PRKN: variants seen among roughly 807,000 people sequenced by gnomAD.
The protein encoded by PRKN is E3 ubiquitin-protein ligase parkin.
Under a neutral mutation model 59.5 loss-of-function variants are expected in PRKN, and 56 were observed. That is an observed-to-expected ratio of 0.94 (90% CI 0.76 to 1.18). The LOEUF is 1.18. Ranked by LOEUF, PRKN falls within the 50% of genes most tolerant of loss-of-function variation. PRKN has a pLI of 0.00. For synonymous variants in PRKN, 250 were observed against 222.1 expected (o/e 1.13, Z -1.12); for missense variants, 657 against 596.4 (o/e 1.10, Z -1.06).
At position 162,469,349 on chromosome 6, in the gene PRKN, CAGGG is replaced by C. The variant is rs1343790724; in HGVS notation, c.8-25880_8-25877del. On this transcript the variant is annotated intron_variant, in intron 1 of 11. Coordinates refer to ENST00000366898, the MANE Select transcript of PRKN (RefSeq NM_004562.3). ...GAATGTTAAGAAAGTGGGGGGGTTG[CAGGG>C]GGGGGTGGGTGACAGAGGAAGTCAT... 3.4e-3 allele frequency among the ~76,000 whole-genome samples: 198 copies of C among 57,792 alleles called. 7 individuals carry two copies. Among genetic ancestry groups the C allele is most frequent in the Non-Finnish European group, 1.7e-3 (50 of 30,130 alleles). 37.9% of individuals were successfully genotyped at this position (57,792 alleles called of 152,430 possible).
chr6:162,727,162 A>C (rs1202483607), intron 1 of PRKN: 3 of 154,476 alleles, frequency 1.9e-5, no homozygotes, highest in Admixed American at 6.5e-5. Context: ...CTGTGGAGCC[A>C]GCCACCCTCA....
rs976891968 is a variant in PRKN at position 161,385,077 on chromosome 6, A to T, written c.1167+1717T>A. ...CCTGAATAGCTGGGATTACAGGTGC[A>T]CGCCACCACACCCAGCTAATTTTTG... On this transcript the variant is annotated intron_variant, in intron 10 of 11. Transcript: ENST00000366898. The surrounding 1 kb of genome is among the most constrained non-coding windows in gnomAD (Gnocchi z 4.9). 6.6e-6 allele frequency among the ~76,000 whole-genome samples: 1 copy of T among 151,992 alleles called. No individual in the cohort carries two copies. The highest frequency in any genetic ancestry group is 1.5e-5 in the Non-Finnish European group (1 of 67,988).
intron 3 of PRKN, among the ~76,000 whole-genome samples, chr6:162,243,997 T>C (rs1779098025): frequency 6.6e-6 from 1 of 152,212 alleles, no homozygotes; most frequent in African/African-American, 2.4e-5. Context: ...GGACCAATTA[T>C]TGTAAACCAT....
chr6:162,317,099 T>TA (rs2128120117), intron 2 of PRKN, among the ~76,000 whole-genome samples: 1 of 152,220 alleles, frequency 6.6e-6, no homozygotes, highest in East Asian at 2.0e-4. Flanking sequence ...ATTCAAACAT[T>TA]AAAGCATATC....
rs557286221 is a variant in PRKN at position 162,361,263 on chromosome 6, G to A, written c.171+82047C>T. On this transcript the variant is annotated intron_variant, in intron 2 of 11. Transcript: ENST00000366898. ...GAGAGAAAGGGTTATGGACCAAAGT[G>A]TGTTTCTCAAAAAATTCATATGTTG... Among the ~76,000 whole-genome samples the A allele has an allele frequency of 2.0e-5, 3 of 152,256 alleles. No homozygotes were observed. The South Asian group carries it at 6.2e-4, about 32-fold the overall frequency.
intron 10 of PRKN, among the ~76,000 whole-genome samples, chr6:161,374,732 ATG>A (rs1785615233): frequency 6.8e-6 from 1 of 146,480 alleles, no homozygotes; most frequent in African/African-American, 2.6e-5. Flanking sequence ...TGTGTGACAT[ATG>A]TGTGGTGTGT....
rs894517169 is a variant in PRKN, at chr6:161,582,458, G to A, written c.872-13042C>T. The stretch of plus-strand genomic sequence containing the variant: ...ATTATTATTTTTGAGACAGAGTCTC[G>A]CTCTGTCGCCTAGGCTGGAGTGCAG... On this transcript the variant is annotated intron_variant, in intron 7 of 11. Transcript: ENST00000366898. This position sits in a 1 kb window ranked among gnomAD's most constrained non-coding sequence, Gnocchi z 4.4. Among the ~76,000 whole-genome samples the A allele has an allele frequency of 2.0e-5, 3 of 150,712 alleles. No homozygotes were observed. The highest frequency in any genetic ancestry group is 2.1e-4 in the South Asian group (1 of 4,780).
chr6:161,801,253 TACAGTG>T (rs1374877970), intron 6 of PRKN, among the ~76,000 whole-genome samples: 1 of 152,184 alleles, frequency 6.6e-6, no homozygotes, highest in Non-Finnish European at 1.5e-5. Flanking sequence ...GCTGACACAG[TACAGTG>T]ACTGGAGGAG....
intron 5 of PRKN, among the ~76,000 whole-genome samples, chr6:162,051,840 A>G (rs1382944564): frequency 3.9e-5 from 6 of 152,200 alleles, no homozygotes; most frequent in Non-Finnish European, 7.3e-5. Context: ...TAATCTGGAC[A>G]AGGGGACCCA....
chr6:162,321,139 G>A (rs936494200), intron 2 of PRKN, among the ~76,000 whole-genome samples: 1 of 151,726 alleles, frequency 6.6e-6, no homozygotes, highest in Admixed American at 6.6e-5. Flanking sequence ...AGGCTGATCA[G>A]GAAATAAAGA....
At chr6:161,636,623 G>A (rs1364462852) in intron 7 of PRKN, among the ~76,000 whole-genome samples, 4 of 152,198 alleles carry the variant, frequency 2.6e-5, no homozygotes, top group Non-Finnish European at 5.9e-5. Context: ...GGATGGAAAT[G>A]CCAAAGAGCA....
At chr6:161,922,543 A>G (rs1778824299) in intron 6 of PRKN, among the ~76,000 whole-genome samples, 1 of 152,214 alleles carries the variant, frequency 6.6e-6, no homozygotes, top group African/African-American at 2.4e-5. Context: ...AAATTTGCTT[A>G]ATTACCTAGG....
intron 7 of PRKN, among the ~76,000 whole-genome samples, chr6:161,646,418 C>G (rs1298159715): frequency 9.2e-6 from 1 of 108,488 alleles, no homozygotes; most frequent in African/African-American, 3.6e-5. Flanking sequence ...GTATCAGTGA[C>G]AGTGGTCACT....
chr6:161,864,236 G>T (rs1481547741), intron 6 of PRKN, among the ~76,000 whole-genome samples: 2 of 152,180 alleles, frequency 1.3e-5, no homozygotes, highest in Admixed American at 1.3e-4. Context: ...AAACCCTGCT[G>T]CTGCCTCATC....
intron 2 of PRKN, among the ~76,000 whole-genome samples, chr6:162,411,220 AT>A (rs1788340336): frequency 6.6e-6 from 1 of 152,220 alleles, no homozygotes; most frequent in South Asian, 2.1e-4. Context: ...TTAAAAATGG[AT>A]TTCAAGACAA....
At chr6:162,077,711 T>C (rs895179845) in intron 4 of PRKN, among the ~76,000 whole-genome samples, 2 of 151,980 alleles carry the variant, frequency 1.3e-5, no homozygotes, top group Non-Finnish European at 2.9e-5. Context: ...GTTTATTTTT[T>C]ATTCATGGCT....
rs1339418647 is a variant in PRKN at position 161,449,493 on chromosome 6, T to C, written c.1084-62616A>G. 4.6e-5 allele frequency among the ~76,000 whole-genome samples: 7 copies of C among 152,316 alleles called. No individual in the cohort carries two copies. In the East Asian group the frequency reaches 1.4e-3, roughly 29 times the overall value. ...TCTGAACGTACTCAGGGCCGTAATA[T>C]GTGAAATGTCTCCCAGTGTTTGACA... On this transcript the variant is annotated intron_variant, in intron 9 of 11. Transcript: ENST00000366898.
chr6:161,686,218 C>T (rs1350857601), intron 7 of PRKN, among the ~76,000 whole-genome samples: 1 of 152,118 alleles, frequency 6.6e-6, no homozygotes, highest in Non-Finnish European at 1.5e-5. Flanking sequence ...TCAATGCCAC[C>T]TTTCAGCCAT....
At chr6:162,607,076 A>C (rs1781950474) in intron 1 of PRKN, among the ~76,000 whole-genome samples, 1 of 152,138 alleles carries the variant, frequency 6.6e-6, no homozygotes, top group Admixed American at 6.6e-5. Flanking sequence ...GGGTGGGAGA[A>C]GAGATCCTGA....
Sources: allele counts gnomAD v4.1 joint callset (sites outside exome capture counted in the v4.1 genomes callset), GRCh38; gene constraint gnomAD v4.1.1; non-coding constraint Gnocchi (gnomAD v3.1); transcripts MANE v1.5; gene names NCBI Gene and HGNC (gene_info 2026-07-23, HGNC 2026-07-21).